The following CACNA1E variants were observed in gnomAD, a reference collection of about 807,000 sequenced individuals.
The protein encoded by CACNA1E is voltage-dependent R-type calcium channel subunit alpha-1E.
A neutral mutation model predicts 259.2 loss-of-function variants in CACNA1E; 40 were observed. The observed-to-expected ratio is 0.15, with a 90% CI of 0.12 to 0.20. The LOEUF (loss-of-function observed/expected upper bound fraction) is 0.20, where lower values mean the gene tolerates loss of function less well. CACNA1E is among the 10% of genes least tolerant of loss of function. CACNA1E has a pLI of 1.00. For synonymous variants in CACNA1E, 1,104 were observed against 1,138.5 expected (o/e 0.97, Z 0.61); for missense variants, 1,874 against 3,040.1 (o/e 0.62, Z 9.02).
intron 2 of CACNA1E, among the ~76,000 whole-genome samples, chr1:181,450,326 C>T (rs1286412717): frequency 1.3e-5 from 2 of 152,150 alleles, no homozygotes; most frequent in Non-Finnish European, 2.9e-5. Context: ...GTGCCCAACC[C>T]CATCTTGGTA....
At chr1:181,607,863 C>A (rs921165659) in intron 6 of CACNA1E, among the ~76,000 whole-genome samples, 8 of 152,072 alleles carry the variant, frequency 5.3e-5, no homozygotes, top group Non-Finnish European at 8.8e-5. Flanking sequence ...AAATGGAAGG[C>A]AACTTCAGCT....
chr1:181,759,612 A>G (rs1039909795), intron 32 of CACNA1E, among the ~76,000 whole-genome samples: 2 of 152,174 alleles, frequency 1.3e-5, no homozygotes, highest in African/African-American at 4.8e-5. Context: ...AGTGCCCTAT[A>G]AACAAGATAA....
intron 25 of CACNA1E, chr1:181,745,413 G>A (rs1383779062): frequency 1.1e-5 from 5 of 470,336 alleles, no homozygotes; most frequent in Non-Finnish European, 1.6e-5. Context: ...ACAGACCCAA[G>A]CAAAATGAAA....
chr1:181,719,176 A>G (rs1350690506), intron 12 of CACNA1E, among the ~76,000 whole-genome samples: 1 of 152,238 alleles, frequency 6.6e-6, no homozygotes, highest in Non-Finnish European at 1.5e-5. Context: ...CACAATATCT[A>G]GAACATAGTG....
At chr1:181,444,026 T>G (rs1660655325) in intron 2 of CACNA1E, among the ~76,000 whole-genome samples, 2 of 152,276 alleles carry the variant, frequency 1.3e-5, no homozygotes, top group South Asian at 4.1e-4. Flanking sequence ...GAATTCATTC[T>G]TAACATCTCT....
At chr1:181,600,514 T>G (rs1479676507) in intron 6 of CACNA1E, among the ~76,000 whole-genome samples, 1 of 151,888 alleles carries the variant, frequency 6.6e-6, no homozygotes, top group Non-Finnish European at 1.5e-5. Context: ...TGAGCAGTGA[T>G]TAGATTGGGA....
chr1:181,660,742 G>A (rs767248201), intron 7 of CACNA1E, among the ~76,000 whole-genome samples: 5 of 152,140 alleles, frequency 3.3e-5, no homozygotes, highest in Non-Finnish European at 5.9e-5. Context: ...GAGGGGAGTT[G>A]GTGGGTATTA....
Position 181,806,135 on chromosome 1 carries a change from A to G in CACNA1E, c.*7301A>G, listed in dbSNP as rs913709934. ...TCTTGCTTTAAAGCGGCTCGAAGAC[A>G]ATCTTTATGACTTCAGCAACTCTTC... On this transcript the variant is annotated 3_prime_UTR_variant, in exon 48 of 48. Coordinates refer to ENST00000367573, the MANE Select transcript of CACNA1E (RefSeq NM_001205293.3). The G allele has an allele frequency of 6.6e-6, 1 of 152,222 alleles. No individual in the cohort carries two copies. Among genetic ancestry groups the G allele is most frequent in the Admixed American group, 6.5e-5 (1 of 15,284 alleles). The allele number at this position is 152,222 out of a possible 1,614,324, so 9.4% of individuals were successfully genotyped here.
chr1:181,698,904 A>G (rs114845616), intron 7 of CACNA1E, among the ~76,000 whole-genome samples: 1,735 of 152,310 alleles, frequency 0.011, 30 homozygotes, highest in African/African-American at 0.039. Context: ...CTTAAATGAT[A>G]CTGAGACTAC....
intron 35 of CACNA1E, among the ~76,000 whole-genome samples, chr1:181,768,954 A>C (rs1217442376): frequency 3.3e-5 from 5 of 152,272 alleles, no homozygotes; most frequent in South Asian, 2.1e-4. Context: ...AACCATTATT[A>C]TTCCAAACTT....
chr1:181,556,858 G>A (rs776940423), intron 3 of CACNA1E, among the ~76,000 whole-genome samples: 2 of 152,148 alleles, frequency 1.3e-5, no homozygotes, highest in African/African-American at 4.8e-5. Flanking sequence ...TGAAATGTGG[G>A]TTTGGAAAGA....
chr1:181,754,662 T>G (rs1657928022), intron 27 of CACNA1E, among the ~76,000 whole-genome samples: 2 of 152,236 alleles, frequency 1.3e-5, no homozygotes, highest in South Asian at 4.1e-4. Flanking sequence ...TGCAGCCACC[T>G]TCACTAGAGA....
intron 26 of CACNA1E, 116 bp downstream of exon 26, chr1:181,750,603 A>G (rs1657509369): frequency 2.2e-6 from 2 of 929,680 alleles, no homozygotes; most frequent in Middle Eastern, 2.1e-4. Flanking sequence ...GTCAGTTTTT[A>G]TTTATATCCA....
chr1:181,642,701 T>G (rs1657909759), intron 6 of CACNA1E, among the ~76,000 whole-genome samples: 1 of 152,154 alleles, frequency 6.6e-6, no homozygotes, highest in Non-Finnish European at 1.5e-5. Flanking sequence ...TCTCTTAAAT[T>G]CACCTGCTTT....
At chr1:181,427,580 TC>T (rs1659387908) in intron 2 of CACNA1E, among the ~76,000 whole-genome samples, 1 of 28,958 alleles carries the variant, frequency 3.5e-5, no homozygotes, top group Non-Finnish European at 6.4e-5. Context: ...TCAACTCCTC[TC>T]CAACTTCAAC....
chr1:181,416,095 AG>A (rs1274860567), intron 2 of CACNA1E, among the ~76,000 whole-genome samples: 1 of 152,222 alleles, frequency 6.6e-6, no homozygotes, highest in East Asian at 1.9e-4. Flanking sequence ...GTGGAGGGAA[AG>A]GGGAGGTCTG....
chr1:181,665,830 A>G (rs76452051), intron 7 of CACNA1E, among the ~76,000 whole-genome samples: 73 of 152,322 alleles, frequency 4.8e-4, no homozygotes, highest in African/African-American at 1.8e-3. Flanking sequence ...CCAGTCTGCT[A>G]CTAAGCTCCG....
intron 3 of CACNA1E, among the ~76,000 whole-genome samples, chr1:181,550,660 G>A (rs967783930): frequency 2.6e-5 from 4 of 152,138 alleles, no homozygotes; most frequent in African/African-American, 9.7e-5. Flanking sequence ...GGAATTCACT[G>A]CTGGCATTTG....
chr1:181,715,273 AT>A, intron 8 of CACNA1E, 64 bp from the exon 9 acceptor site: 1 of 995,410 alleles, frequency 1.0e-6, no homozygotes, highest in Non-Finnish European at 1.6e-6. Context: ...TCCCTGAGGG[AT>A]TTTAATCTTG....
Sources: gnomAD v4.1 joint callset for allele counts (sites outside exome capture counted in the v4.1 genomes callset) on GRCh38, gnomAD v4.1.1 for gene constraint, MANE v1.5 for transcripts, NCBI Gene and HGNC (gene_info 2026-07-23, HGNC 2026-07-21) for gene names.